The following ZFYVE21 variants were observed in gnomAD, a reference collection of about 807,000 sequenced individuals.
ZFYVE21 encodes the protein zinc finger FYVE domain-containing protein 21.
In ZFYVE21, 21 loss-of-function variants were observed where a neutral mutation model predicts 29.5. The ratio of observed to expected loss-of-function variants is 0.71; its 90% CI spans 0.50 to 1.02. ZFYVE21 has a LOEUF of 1.02. ZFYVE21 is among the 50% of genes least tolerant of loss of function. The pLI is 0.00. For synonymous variants in ZFYVE21, 151 were observed against 133.8 expected (o/e 1.13, Z -0.89); for missense variants, 326 against 335.4 (o/e 0.97, Z 0.22).
rs879569532 is a variant in ZFYVE21 at position 103,716,491 on chromosome 14, C to T, written c.138+512C>T. Among the ~76,000 whole-genome samples, 1 of 152,192 alleles carries T rather than the reference C, an allele frequency of 6.6e-6. No homozygotes were observed. Among genetic ancestry groups the T allele is most frequent in the East Asian group, 1.9e-4 (1 of 5,188 alleles). On this transcript the variant is annotated intron_variant, in intron 1 of 6. Coordinates refer to ENST00000311141, the MANE Select transcript of ZFYVE21 (RefSeq NM_024071.4). This position sits in a 1 kb window ranked among gnomAD's most constrained non-coding sequence, Gnocchi z 4.8. ...CCGGGGGAGGCGTCGGTGCCGCGGGCGGGTGGCCGGTTCCGAAGCCACCTC... is the reference window on the plus strand; with the variant it reads ...CCGGGGGAGGCGTCGGTGCCGCGGGTGGGTGGCCGGTTCCGAAGCCACCTC...
intron 5 of ZFYVE21, chr14:103,731,541 G>A (rs1166780751): frequency 6.6e-6 from 1 of 152,230 alleles, no homozygotes; most frequent in Non-Finnish European, 1.5e-5. Flanking sequence ...CCCGGGAGGC[G>A]GAGGGTGCAG....
At chr14:103,721,572 G>C (rs1350408869) in intron 1 of ZFYVE21, among the ~76,000 whole-genome samples, 1 of 152,176 alleles carries the variant, frequency 6.6e-6, no homozygotes, top group African/African-American at 2.4e-5. Flanking sequence ...GGGCCCCGCC[G>C]TCCATCCTAG....
At chr14:103,719,909 C>T (rs1567068236) in intron 1 of ZFYVE21, among the ~76,000 whole-genome samples, 2 of 152,066 alleles carry the variant, frequency 1.3e-5, no homozygotes, top group East Asian at 3.9e-4. Context: ...GACTTTGAAG[C>T]CACAAAAAAG....
At position 103,732,739 on chromosome 14, in the gene ZFYVE21, G is replaced by A. The variant is rs764421307; in HGVS notation, c.646G>A (p.Ala216Thr). 1 of 1,613,006 alleles carries A rather than the reference G, an allele frequency of 6.2e-7. No homozygotes were observed. Among genetic ancestry groups the A allele is most frequent in the African/African-American group, 1.3e-5 (1 of 74,950 alleles). The change falls in exon 6 of 7, where the codon GCG becomes ACG. Residue 216 changes from alanine (A) to threonine (T), a missense_variant. By Grantham distance (58) the Ala-to-Thr change is moderately conservative (BLOSUM62 0). Transcript: ENST00000311141. Reference protein sequence around the residue: ...DVTVGRRQAVAWLVAMHKAAK... With the variant: ...DVTVGRRQAVTWLVAMHKAAK... ...GACTGTGGGCAGGAGGCAGGCGGTGGCGTGGCTAGTGGCCATGCACAAGGT... is the reference window on the plus strand; with the variant it reads ...GACTGTGGGCAGGAGGCAGGCGGTGACGTGGCTAGTGGCCATGCACAAGGT...
chr14:103,717,842 C>T (rs981751806), intron 1 of ZFYVE21, among the ~76,000 whole-genome samples: 2 of 152,150 alleles, frequency 1.3e-5, no homozygotes, highest in South Asian at 2.1e-4. Flanking sequence ...CTGAGTTTTG[C>T]GTTGTGAATT....
intron 1 of ZFYVE21, among the ~76,000 whole-genome samples, chr14:103,720,848 G>T (rs147143919): frequency 5.9e-5 from 9 of 152,138 alleles, no homozygotes; most frequent in African/African-American, 1.9e-4. Flanking sequence ...TGTTTGAGAC[G>T]GAGTCTCACT....
chr14:103,721,456 G>A lies in ZFYVE21; in HGVS notation c.139-5336G>A, dbSNP rs77105385. On this transcript the variant is annotated intron_variant, in intron 1 of 6. Transcript: ENST00000311141. ...GTGATTGGCCCTGCAAGGTGGCCAC[G>A]GAGGCCTCCCATGGAGGTGAGTGCC... Among the ~76,000 whole-genome samples, 295 of 152,366 alleles carry A rather than the reference G, an allele frequency of 1.9e-3. 3 individuals carry two copies. The highest frequency in any genetic ancestry group is 6.1e-3 in the African/African-American group (252 of 41,586).
intron 1 of ZFYVE21, among the ~76,000 whole-genome samples, chr14:103,717,331 T>C (rs145063332): frequency 4.1e-4 from 62 of 152,316 alleles, no homozygotes; most frequent in Middle Eastern, 3.4e-3. Context: ...GTATTTATGG[T>C]GTAACGAACT....
chr14:103,729,091 A>T lies in ZFYVE21; in HGVS notation c.435A>T (p.Arg145Ser), dbSNP rs2151952814. ...ATTTGGACACTTTTATTTGATGTAGATACTTGTTTCTGGATGGAGACAGCC... is the reference window on the plus strand; with the variant it reads ...ATTTGGACACTTTTATTTGATGTAGTTACTTGTTTCTGGATGGAGACAGCC... ...TMTCRLSNNQRYLFLDGDSHY... is the reference protein window; with the variant it reads ...TMTCRLSNNQSYLFLDGDSHY... Residue 145 changes from arginine to serine, a missense_variant and splice_region_variant, in exon 5 of 7, where the codon AGA (arginine) becomes AGT (serine). Arg to Ser is a moderately radical substitution (Grantham distance 110, BLOSUM62 -1). Coordinates refer to ENST00000311141, the MANE Select transcript of ZFYVE21 (RefSeq NM_024071.4). 5 of 1,613,944 alleles carry T rather than the reference A, an allele frequency of 3.1e-6. No homozygotes were observed. Among genetic ancestry groups the T allele is most frequent in the South Asian group, 1.1e-5 (1 of 91,080 alleles).
Position 103,715,830 on chromosome 14 carries a change from T to C in ZFYVE21, c.-12T>C. 7.2e-7 allele frequency: 1 copy of C among 1,388,534 alleles called. No homozygotes were observed. The highest frequency in any genetic ancestry group is 9.4e-7 in the Non-Finnish European group (1 of 1,064,006). The allele number at this position is 1,388,534 out of a possible 1,614,324, so 86.0% of individuals were successfully genotyped here. On this transcript the variant is annotated 5_prime_UTR_variant, in exon 1 of 7. Coordinates refer to ENST00000311141, the MANE Select transcript of ZFYVE21 (RefSeq NM_024071.4). ...GGTGCGGGGCCGCTGGCCGAGAGGC[T>C]GAGGCGGCGTCATGTCCTCCGAGGT...
rs1012993211 is a variant in ZFYVE21, at chr14:103,716,499, C to T, written c.138+520C>T. Among the ~76,000 whole-genome samples the T allele has an allele frequency of 5.9e-5, 9 of 152,222 alleles. No individual in the cohort carries two copies. Among genetic ancestry groups the T allele is most frequent in the Non-Finnish European group, 1.0e-4 (7 of 68,030 alleles). On this transcript the variant is annotated intron_variant, in intron 1 of 6. Transcript: ENST00000311141. The surrounding 1 kb of genome is among the most constrained non-coding windows in gnomAD (Gnocchi z 4.8). ...GGCGTCGGTGCCGCGGGCGGGTGGCCGGTTCCGAAGCCACCTCCTGCTCGG... is the reference window on the plus strand; with the variant it reads ...GGCGTCGGTGCCGCGGGCGGGTGGCTGGTTCCGAAGCCACCTCCTGCTCGG...
chr14:103,724,155 G>A (rs566533179), intron 1 of ZFYVE21, among the ~76,000 whole-genome samples: 2 of 152,348 alleles, frequency 1.3e-5, no homozygotes, highest in South Asian at 2.1e-4. Context: ...TGTCAGAGGC[G>A]CTGGGGGATT....
chr14:103,731,202 C>G (rs953531202), intron 5 of ZFYVE21: 2 of 151,968 alleles, frequency 1.3e-5, no homozygotes, highest in African/African-American at 4.8e-5. Context: ...CCCAGCTACT[C>G]GGGAGGCTGA....
chr14:103,724,991 T>C (rs1363723667), intron 1 of ZFYVE21: 5 of 152,400 alleles, frequency 3.3e-5, no homozygotes, highest in African/African-American at 1.2e-4. Flanking sequence ...TGAAAAAGGC[T>C]GTACCGGCTT....
intron 1 of ZFYVE21, among the ~76,000 whole-genome samples, chr14:103,717,379 G>A (rs1449252218): frequency 2.0e-5 from 3 of 152,360 alleles, no homozygotes; most frequent in East Asian, 1.9e-4. Flanking sequence ...TGTATGAACC[G>A]TAAGGAGCAC....
At chr14:103,732,896 C>CCAT in intron 6 of ZFYVE21, 87 bp from the exon 7 acceptor site, 2 of 1,605,888 alleles carry the variant, frequency 1.2e-6, no homozygotes, top group Non-Finnish European at 1.7e-6. Flanking sequence ...GGTGCCCACG[C>CCAT]CATCTCCCCT....
intron 5 of ZFYVE21, chr14:103,730,183 C>T (rs1416797106): frequency 1.2e-5 from 4 of 320,638 alleles, no homozygotes; most frequent in Admixed American, 9.6e-5. Context: ...CAACACTGCC[C>T]TTCCCCCCGA....
At chr14:103,721,178 G>C (rs2083868849) in intron 1 of ZFYVE21, among the ~76,000 whole-genome samples, 1 of 152,180 alleles carries the variant, frequency 6.6e-6, no homozygotes, top group Non-Finnish European at 1.5e-5. Flanking sequence ...GGGAAGCCTA[G>C]TTTATGGCAT....
chr14:103,719,936 G>C (rs2083859450), intron 1 of ZFYVE21, among the ~76,000 whole-genome samples: 1 of 152,188 alleles, frequency 6.6e-6, no homozygotes, highest in Non-Finnish European at 1.5e-5. Flanking sequence ...TGGGCGTCCT[G>C]TGGGAGGCCA....
Sources: allele counts gnomAD v4.1 joint callset (sites outside exome capture counted in the v4.1 genomes callset), GRCh38; gene constraint gnomAD v4.1.1; non-coding constraint Gnocchi (gnomAD v3.1); transcripts MANE v1.5; gene names NCBI Gene and HGNC (gene_info 2026-07-23, HGNC 2026-07-21).